Variants in B4GALT5 observed in about 807,000 individuals in gnomAD.
B4GALT5 encodes UDP-Gal:beta-GlcNAc beta-1,4-galactosyltransferase 5.
A neutral mutation model predicts 45.0 loss-of-function variants in B4GALT5; 11 were observed. That is an observed-to-expected ratio of 0.24 (90% CI 0.15 to 0.40). The LOEUF is 0.40. Ranked by LOEUF, B4GALT5 falls within the 10% of genes least tolerant of loss-of-function variation. B4GALT5 has a pLI of 1.00. For missense variants in B4GALT5, 337 were observed against 500.2 expected (o/e 0.67, Z 3.11); for synonymous variants, 185 against 182.9 (o/e 1.01, Z -0.09).
intron 1 of B4GALT5, among the ~76,000 whole-genome samples, chr20:49,696,139 T>A (rs149238927): frequency 8.4e-4 from 128 of 152,366 alleles, no homozygotes; most frequent in African/African-American, 3.1e-3. Flanking sequence ...TCCTGCTCAA[T>A]TGATTTGACC....
intron 2 of B4GALT5, among the ~76,000 whole-genome samples, chr20:49,647,895 G>A (rs1463777285): frequency 6.6e-6 from 1 of 151,838 alleles, no homozygotes; most frequent in Non-Finnish European, 1.5e-5. Flanking sequence ...CTGCCTTTCT[G>A]GAGAATACAG....
At chr20:49,653,665 G>C (rs188156002) in intron 2 of B4GALT5, among the ~76,000 whole-genome samples, 77 of 152,314 alleles carry the variant, frequency 5.1e-4, no homozygotes, top group Non-Finnish European at 9.4e-4. Context: ...GTTCTTGTGA[G>C]GGACTACATG....
rs112210429 is a variant in B4GALT5, at chr20:49,633,436, C to T, written c.*2876G>A. ...TATATGCACAAGGTCACATTTGGTTCCTGTTTTTTTTTTTAACATGACAAT... is the reference window on the plus strand; with the variant it reads ...TATATGCACAAGGTCACATTTGGTTTCTGTTTTTTTTTTTAACATGACAAT... On this transcript the variant is annotated 3_prime_UTR_variant, in exon 9 of 9. Transcript: ENST00000371711. The T allele has an allele frequency of 2.2e-5, 1 of 45,552 alleles. No homozygotes were observed. The highest frequency in any genetic ancestry group is 4.4e-5 in the Non-Finnish European group (1 of 22,542). The allele number at this position is 45,552 out of a possible 1,614,324, so 2.8% of individuals were successfully genotyped here. A position where few individuals can be genotyped will look rare whatever the true frequency, so the allele number is the denominator to read the frequency against.
At chr20:49,639,625 T>G (rs546360532) in intron 7 of B4GALT5, 53 bp downstream of exon 7, 495 of 1,603,950 alleles carry the variant, frequency 3.1e-4, no homozygotes, top group Non-Finnish European at 4.0e-4. Context: ...ATAGTATTGG[T>G]CTGCAGTCTA....
Position 49,663,703 on chromosome 20 carries a change from A to C in B4GALT5, c.116-7001T>G, listed in dbSNP as rs1313711204. ...AAAAAAAAAAAAAATATATACATAT[A>C]TATATATATATATATATATATATAT... On this transcript the variant is annotated intron_variant, in intron 1 of 8. Coordinates refer to ENST00000371711, the MANE Select transcript of B4GALT5 (RefSeq NM_004776.4). Among the ~76,000 whole-genome samples, 226 of 113,146 alleles carry C rather than the reference A, an allele frequency of 2.0e-3. 2 individuals are homozygous for C. The highest frequency in any genetic ancestry group is 3.2e-3 in the Admixed American group (36 of 11,166). The allele number at this position is 113,146 out of a possible 152,430, so 74.2% of individuals were successfully genotyped here. A position where few individuals can be genotyped will look rare whatever the true frequency, so the allele number is the denominator to read the frequency against.
Position 49,635,965 on chromosome 20 carries a change from C to G in B4GALT5, c.*347G>C. The stretch of plus-strand genomic sequence containing the variant: ...GACAGGCTCCACGGCAGGACCACGG[C>G]AGGACCACGGCAGATCACAGTTCAT... On this transcript the variant is annotated 3_prime_UTR_variant, in exon 9 of 9. Transcript: ENST00000371711. 4.1e-6 allele frequency: 1 copy of G among 241,446 alleles called. No individual in the cohort carries two copies. Among genetic ancestry groups the G allele is most frequent in the Non-Finnish European group, 8.3e-6 (1 of 121,076 alleles). 15.0% of individuals were successfully genotyped at this position (241,446 alleles called of 1,614,324 possible). A position where few individuals can be genotyped will look rare whatever the true frequency, so the allele number is the denominator to read the frequency against.
intron 2 of B4GALT5, among the ~76,000 whole-genome samples, chr20:49,652,700 C>T (rs1251560279): frequency 6.6e-6 from 1 of 152,132 alleles, no homozygotes. Flanking sequence ...GTTCACAGAC[C>T]CCATCCCCAA....
chr20:49,684,663 G>A, intron 1 of B4GALT5: 1 of 518,574 alleles, frequency 1.9e-6, no homozygotes, highest in South Asian at 1.4e-5. Context: ...ATCTACAACA[G>A]AAAGAAATCA....
intron 6 of B4GALT5, among the ~76,000 whole-genome samples, 176 bp downstream of exon 6, chr20:49,640,301 TC>T (rs1166736661): frequency 2.6e-5 from 4 of 152,372 alleles, no homozygotes; most frequent in Non-Finnish European, 5.9e-5. Context: ...TTGGCACGTA[TC>T]AGTATTTCAT....
At chr20:49,693,999 A>G (rs2085827247) in intron 1 of B4GALT5, among the ~76,000 whole-genome samples, 2 of 152,176 alleles carry the variant, frequency 1.3e-5, no homozygotes, top group Admixed American at 1.3e-4. Flanking sequence ...CTCACTTTCG[A>G]TAATTAGCCA....
At chr20:49,643,364 A>C (rs2085584884) in intron 4 of B4GALT5, among the ~76,000 whole-genome samples, 162 bp downstream of exon 4, 2 of 152,234 alleles carry the variant, frequency 1.3e-5, no homozygotes, top group Admixed American at 1.3e-4. Flanking sequence ...CTACAAAAAG[A>C]GTCCTTGTGG....
At chr20:49,693,615 T>C (rs747914475) in intron 1 of B4GALT5, among the ~76,000 whole-genome samples, 5 of 152,218 alleles carry the variant, frequency 3.3e-5, no homozygotes, top group Non-Finnish European at 5.9e-5. Flanking sequence ...AGTCTAGGAA[T>C]TCTGAGTATA....
At chr20:49,655,489 G>A (rs551103621) in intron 2 of B4GALT5, among the ~76,000 whole-genome samples, 10 of 152,170 alleles carry the variant, frequency 6.6e-5, no homozygotes, top group East Asian at 1.9e-4. Context: ...GAAATGAGGC[G>A]AATCATGAAT....
intron 1 of B4GALT5, among the ~76,000 whole-genome samples, chr20:49,661,032 T>C (rs967254203): frequency 7.2e-5 from 11 of 152,180 alleles, no homozygotes; most frequent in African/African-American, 2.4e-5. Flanking sequence ...GAAGTACATA[T>C]GCATACACAT....
chr20:49,691,522 C>CA lies in B4GALT5; in HGVS notation c.115+22053dup, dbSNP rs11480642. Among the ~76,000 whole-genome samples the CA allele has an allele frequency of 4.2e-3, 630 of 150,706 alleles. 5 individuals carry two copies. Among genetic ancestry groups the CA allele is most frequent in the African/African-American group, 0.01 (415 of 41,094 alleles). On this transcript the variant is annotated intron_variant, in intron 1 of 8. Transcript: ENST00000371711. ...GAGTGACAGAGTCTCACAAAACAAA[C>CA]AAAAAAAAACCCACACGCCAAAACA... is the stretch of plus-strand genomic sequence containing the variant.
At chr20:49,676,280 G>C (rs1485256037) in intron 1 of B4GALT5, among the ~76,000 whole-genome samples, 1 of 152,112 alleles carries the variant, frequency 6.6e-6, no homozygotes, top group Non-Finnish European at 1.5e-5. Context: ...AAAGTGATCA[G>C]GTAGCACTGA....
intron 1 of B4GALT5, among the ~76,000 whole-genome samples, chr20:49,691,104 G>A (rs1328143605): frequency 6.6e-6 from 1 of 152,094 alleles, no homozygotes; most frequent in African/African-American, 2.4e-5. Context: ...GAAACTTCCT[G>A]GAGGGTTAAG....
chr20:49,645,104 TG>T (rs1639020854), intron 3 of B4GALT5, among the ~76,000 whole-genome samples: 1 of 152,198 alleles, frequency 6.6e-6, no homozygotes, highest in Non-Finnish European at 1.5e-5. Flanking sequence ...AAGCAAGGCA[TG>T]GTGGCTCATG....
At chr20:49,694,611 T>C (rs1405497977) in intron 1 of B4GALT5, among the ~76,000 whole-genome samples, 15 of 149,482 alleles carry the variant, frequency 1.0e-4, no homozygotes, top group Non-Finnish European at 1.5e-5. Flanking sequence ...CACTCCAGCC[T>C]TGGTGACACA....
Sources: gnomAD v4.1 joint callset for allele counts (sites outside exome capture counted in the v4.1 genomes callset) on GRCh38, gnomAD v4.1.1 for gene constraint, MANE v1.5 for transcripts, NCBI Gene and HGNC (gene_info 2026-07-23, HGNC 2026-07-21) for gene names.